ADAMTS3: variants seen among roughly 807,000 people sequenced by gnomAD.
The protein encoded by ADAMTS3 is ADAM metallopeptidase with thrombospondin type 1 motif 3, also known as A disintegrin and metalloproteinase with thrombospondin motifs 3.
In ADAMTS3, 73 loss-of-function variants were observed where a neutral mutation model predicts 129.0. The observed-to-expected ratio is 0.57, with a 90% CI of 0.47 to 0.69. The LOEUF is 0.69. Ranked by LOEUF, ADAMTS3 falls within the 30% of genes least tolerant of loss-of-function variation. ADAMTS3 has a pLI of 0.00. For missense variants in ADAMTS3, 1,457 were observed against 1,514.5 expected (o/e 0.96, Z 0.63); for synonymous variants, 477 against 510.8 (o/e 0.93, Z 0.89).
intron 3 of ADAMTS3, among the ~76,000 whole-genome samples, chr4:72,528,014 T>C (rs1720859088): frequency 6.6e-6 from 1 of 152,134 alleles, no homozygotes; most frequent in Admixed American, 6.6e-5. Context: ...CAGTCACCAC[T>C]CTCATGGAAT....
intron 3 of ADAMTS3, among the ~76,000 whole-genome samples, chr4:72,417,395 G>T (rs1722331716): frequency 6.6e-6 from 1 of 152,094 alleles, no homozygotes; most frequent in African/African-American, 2.4e-5. Context: ...CTCCATACCT[G>T]CTATGGCAAA....
chr4:72,352,770 T>C (rs1228505698), intron 4 of ADAMTS3, among the ~76,000 whole-genome samples: 2 of 151,890 alleles, frequency 1.3e-5, no homozygotes, highest in African/African-American at 2.4e-5. Context: ...CATGGAGAAA[T>C]AGGGTGGGCC....
intron 4 of ADAMTS3, among the ~76,000 whole-genome samples, chr4:72,380,133 G>A (rs187190874): frequency 7.2e-5 from 11 of 152,200 alleles, no homozygotes; most frequent in Admixed American, 2.6e-4. Flanking sequence ...AATGGGACAC[G>A]CAAACACATA....
At chr4:72,543,587 G>A (rs931192306) in intron 3 of ADAMTS3, among the ~76,000 whole-genome samples, 4 of 152,044 alleles carry the variant, frequency 2.6e-5, no homozygotes, top group Admixed American at 6.5e-5. Flanking sequence ...ATTTAAGGAC[G>A]TTATACTAAA....
intron 3 of ADAMTS3, among the ~76,000 whole-genome samples, chr4:72,517,988 C>T: frequency 6.6e-6 from 1 of 151,342 alleles, no homozygotes; most frequent in South Asian, 2.1e-4. Flanking sequence ...CTATAAATTT[C>T]CCTCTACACA....
At chr4:72,415,890 C>T (rs977035850) in intron 3 of ADAMTS3, among the ~76,000 whole-genome samples, 2 of 151,730 alleles carry the variant, frequency 1.3e-5, no homozygotes, top group Admixed American at 6.6e-5. Flanking sequence ...AATATAAGCA[C>T]ATTTATTTGA....
chr4:72,287,504 G>A (rs937276969), intron 21 of ADAMTS3, among the ~76,000 whole-genome samples: 3 of 151,224 alleles, frequency 2.0e-5, no homozygotes, highest in Non-Finnish European at 4.4e-5. Flanking sequence ...AACAAGGAAA[G>A]AGGGGAAAGA....
Position 72,492,241 on chromosome 4 carries a change from T to A in ADAMTS3, c.504+56237A>T, listed in dbSNP as rs185696172. Among the ~76,000 whole-genome samples, 3 of 151,804 alleles carry A rather than the reference T, an allele frequency of 2.0e-5. No homozygotes were observed. In the East Asian group the frequency reaches 5.8e-4, roughly 29 times the overall value. Reference sequence around the variant, plus strand: ...CTTTGCTGATTTTTTTCTGTTTTTTTATTCTCTATTTGATTTATTTCTTTT... The same window carrying A: ...CTTTGCTGATTTTTTTCTGTTTTTTAATTCTCTATTTGATTTATTTCTTTT... On this transcript the variant is annotated intron_variant, in intron 3 of 21. Transcript: ENST00000286657.
At chr4:72,456,092 A>ACATATAGTATATATACTATATATATATTT (rs1718586704) in intron 3 of ADAMTS3, among the ~76,000 whole-genome samples, 3 of 4,302 alleles carry the variant, frequency 7.0e-4, no homozygotes, top group African/African-American at 1.2e-3. Context: ...TATATATTTT[A>ACATATAGTATATATACTATATATATATTT]TATATATAGT....
chr4:72,407,804 T>G lies in ADAMTS3; in HGVS notation c.661+7011A>C, dbSNP rs564486740. Reference sequence around the variant, plus strand: ...GAAAGATGAAAAAACTTCTTTTCATTCAGACTTGTAAAACATTTTTTTCAT... The same window carrying G: ...GAAAGATGAAAAAACTTCTTTTCATGCAGACTTGTAAAACATTTTTTTCAT... On this transcript the variant is annotated intron_variant, in intron 4 of 21. Coordinates refer to ENST00000286657, the MANE Select transcript of ADAMTS3 (RefSeq NM_014243.3). 2.0e-5 allele frequency among the ~76,000 whole-genome samples: 3 copies of G among 152,250 alleles called. No individual in the cohort carries two copies. The South Asian group carries it at 6.2e-4, about 32-fold the overall frequency.
At chr4:72,391,026 A>G (rs1003231737) in intron 4 of ADAMTS3, among the ~76,000 whole-genome samples, 2 of 152,158 alleles carry the variant, frequency 1.3e-5, no homozygotes, top group African/African-American at 2.4e-5. Flanking sequence ...TAAGACCCCA[A>G]ACAAGGAAAA....
rs1415607715 is a variant in ADAMTS3 at position 72,282,420 on chromosome 4, CTT to C, written c.*714_*715del. 6.6e-6 allele frequency: 1 copy of C among 152,152 alleles called. No individual in the cohort carries two copies. Among genetic ancestry groups the C allele is most frequent in the African/African-American group, 2.4e-5 (1 of 41,388 alleles). The allele number at this position is 152,152 out of a possible 1,614,324, so 9.4% of individuals were successfully genotyped here. On this transcript the variant is annotated 3_prime_UTR_variant, in exon 22 of 22. Coordinates refer to ENST00000286657, the MANE Select transcript of ADAMTS3 (RefSeq NM_014243.3). Reference sequence around the variant, plus strand: ...CTGTATATCTATAGCTTTTGTGTTTCTTTTCTTTTTCTATAATTTACGTATCA... The same window carrying C: ...CTGTATATCTATAGCTTTTGTGTTTCTTCTTTTTCTATAATTTACGTATCA...
chr4:72,514,734 C>G (rs1372661381), intron 3 of ADAMTS3, among the ~76,000 whole-genome samples: 4 of 151,920 alleles, frequency 2.6e-5, no homozygotes, highest in African/African-American at 9.7e-5. Flanking sequence ...ACAGACAAAC[C>G]TCAAGGGTAA....
In ADAMTS3 at chr4:72,288,794, T is replaced by G. The variant is rs1718578759; in HGVS notation, c.3006A>C (p.Glu1002Asp). The change falls in exon 21 of 22, where the codon GAA becomes GAC. Residue 1002 changes from glutamate to aspartate, a missense_variant. Coordinates refer to ENST00000286657, the MANE Select transcript of ADAMTS3 (RefSeq NM_014243.3). ...LCRAGDHCDG[E>D]KPESVRACQL... ...GACAGGCTCTGACCGACTCAGGCTT[T>G]TCACCATCACAGTGGTCCCCAGCCC... is the stretch of plus-strand genomic sequence containing the variant. 2 of 1,613,994 alleles carry G rather than the reference T, an allele frequency of 1.2e-6. No individual in the cohort carries two copies. Among genetic ancestry groups the G allele is most frequent in the Admixed American group, 1.7e-5 (1 of 60,014 alleles).
chr4:72,348,793 T>C (rs1376758797), intron 4 of ADAMTS3, among the ~76,000 whole-genome samples: 1 of 151,580 alleles, frequency 6.6e-6, no homozygotes, highest in Non-Finnish European at 1.5e-5. Flanking sequence ...AGGTATCTAG[T>C]TGCTGACAGT....
intron 3 of ADAMTS3, among the ~76,000 whole-genome samples, chr4:72,522,929 G>GT (rs1463269255): frequency 6.6e-6 from 1 of 151,962 alleles, no homozygotes; most frequent in Non-Finnish European, 1.5e-5. Context: ...TAACAGTATT[G>GT]TTTTCAGTCA....
chr4:72,375,855 T>C (rs1393098320), intron 4 of ADAMTS3, among the ~76,000 whole-genome samples: 1 of 152,124 alleles, frequency 6.6e-6, no homozygotes, highest in Non-Finnish European at 1.5e-5. Context: ...GAGTCTCTCT[T>C]ATATATTTAA....
At chr4:72,456,463 C>T (rs1578697390) in intron 3 of ADAMTS3, among the ~76,000 whole-genome samples, 1 of 145,700 alleles carries the variant, frequency 6.9e-6, no homozygotes, top group Non-Finnish European at 1.5e-5. Flanking sequence ...ATGTAATCTG[C>T]AAAATTATAC....
At chr4:72,285,574 A>G (rs919555767) in intron 21 of ADAMTS3, among the ~76,000 whole-genome samples, 1 of 152,102 alleles carries the variant, frequency 6.6e-6, no homozygotes, top group African/African-American at 2.4e-5. Context: ...AAGGAGTCCA[A>G]CCAAAGGTCT....
Sources: gnomAD v4.1 joint callset for allele counts (sites outside exome capture counted in the v4.1 genomes callset) on GRCh38, gnomAD v4.1.1 for gene constraint, MANE v1.5 for transcripts, NCBI Gene and HGNC (gene_info 2026-07-23, HGNC 2026-07-21) for gene names.